The following PSG6 variants were observed in gnomAD, a reference collection of about 807,000 sequenced individuals.
PSG6 encodes the protein pregnancy specific beta-1-glycoprotein 6.
Under a neutral mutation model 43.3 loss-of-function variants are expected in PSG6, and 51 were observed. The ratio of observed to expected loss-of-function variants is 1.18; its 90% CI spans 0.94 to 1.49. The LOEUF (loss-of-function observed/expected upper bound fraction) is 1.49, where lower values mean the gene tolerates loss of function less well. Among genes scored for constraint, PSG6 ranks in the 40% most tolerant of loss-of-function variants. PSG6 has a pLI of 0.00. For synonymous variants in PSG6, 292 were observed against 197.6 expected (o/e 1.48, Z -4.01); for missense variants, 770 against 522.2 (o/e 1.47, Z -4.62).
chr19:42,906,480 CA>C (rs1251815302), intron 5 of PSG6, among the ~76,000 whole-genome samples: 1 of 151,464 alleles, frequency 6.6e-6, no homozygotes, highest in Non-Finnish European at 1.5e-5. Context: ...CTCCCTCACC[CA>C]AAGGGCTTCC....
chr19:42,906,617 A>C, intron 5 of PSG6: 2 of 1,365,018 alleles, frequency 1.5e-6, no homozygotes, highest in Non-Finnish European at 1.9e-6. Context: ...GCGAGAAGCA[A>C]CTTGATCTTG....
At chr19:42,911,745 GT>G (rs1972230834) in intron 2 of PSG6, among the ~76,000 whole-genome samples, 1 of 151,748 alleles carries the variant, frequency 6.6e-6, no homozygotes, top group South Asian at 2.1e-4. Flanking sequence ...TATGTGTTTG[GT>G]GGATATTAGA....
At chr19:42,903,770 G>T in intron 5 of PSG6, 4 of 1,497,360 alleles carry the variant, frequency 2.7e-6, no homozygotes, top group Non-Finnish European at 3.6e-6. Context: ...ACATGCACCT[G>T]TAGTCCTAGC....
intron 2 of PSG6, chr19:42,915,379 G>T (rs578227223): frequency 6.6e-6 from 1 of 151,966 alleles, no homozygotes; most frequent in Non-Finnish European, 1.5e-5. Flanking sequence ...GCACCTTTGC[G>T]TCAGATCCCT....
chr19:42,912,953 A>T (rs7259540), intron 2 of PSG6, among the ~76,000 whole-genome samples: 20,449 of 151,628 alleles, frequency 0.13, 1,816 homozygotes, highest in Admixed American at 0.18. Context: ...TTGTCCCACA[A>T]CTACAAAATT....
chr19:42,916,788 C>T (rs1428537263), intron 1 of PSG6, among the ~76,000 whole-genome samples: 1 of 151,320 alleles, frequency 6.6e-6, no homozygotes, highest in Non-Finnish European at 1.5e-5. Flanking sequence ...TCCACACTGC[C>T]CTCAGGTCCT....
intron 5 of PSG6, among the ~76,000 whole-genome samples, chr19:42,906,128 A>G (rs1972107516): frequency 6.6e-6 from 1 of 151,574 alleles, no homozygotes; most frequent in Non-Finnish European, 1.5e-5. Context: ...CCTGCCATGC[A>G]GAGCCCCAGG....
chr19:42,912,377 T>G lies in PSG6; in HGVS notation c.428-1519A>C, dbSNP rs534861440. The stretch of plus-strand genomic sequence containing the variant: ...TTACTGATGGTCCAAACATCTAAGA[T>G]CAATTGCTGGTAGTCATATTTCTCT... On this transcript the variant is annotated intron_variant, in intron 2 of 5. Transcript: ENST00000187910. Among the ~76,000 whole-genome samples, 21 of 151,706 alleles carry G rather than the reference T, an allele frequency of 1.4e-4. 1 individual carries two copies. Among genetic ancestry groups the G allele is most frequent in the Non-Finnish European group, 2.5e-4 (17 of 67,906 alleles).
intron 3 of PSG6, 63 bp from the exon 4 acceptor site, chr19:42,907,917 T>A (rs763618249): frequency 1.4e-5 from 22 of 1,585,980 alleles, no homozygotes; most frequent in East Asian, 6.7e-5. Context: ...GCATCCTTCA[T>A]TCAGAGTTGG....
In PSG6 at chr19:42,917,415, G is replaced by A. The variant is rs371755485; in HGVS notation, c.64+314C>T. 5.6e-5 allele frequency among the ~76,000 whole-genome samples: 8 copies of A among 144,072 alleles called. 1 individual carries two copies. Among genetic ancestry groups the A allele is most frequent in the African/African-American group, 7.8e-5 (3 of 38,368 alleles). 94.5% of individuals were successfully genotyped at this position (144,072 alleles called of 152,430 possible). A position where few individuals can be genotyped will look rare whatever the true frequency, so the allele number is the denominator to read the frequency against. ...GTCTCGTACTGTCACCCAGGCTGGC[G>A]TGCAGTGGTGCTGTCTCGGCTAGCT... On this transcript the variant is annotated intron_variant, in intron 1 of 5. Coordinates refer to ENST00000187910, the MANE Select transcript of PSG6 (RefSeq NM_001031850.4).
intron 2 of PSG6, among the ~76,000 whole-genome samples, chr19:42,913,560 T>G (rs1439521384): frequency 6.6e-6 from 1 of 151,640 alleles, no homozygotes; most frequent in Non-Finnish European, 1.5e-5. Flanking sequence ...AAGCCAGAAG[T>G]CTCTAGAAAG....
intron 4 of PSG6, 95 bp from the exon 5 acceptor site, chr19:42,907,271 A>G (rs773605003): frequency 1.3e-6 from 2 of 1,528,566 alleles, no homozygotes; most frequent in Admixed American, 2.0e-5. Context: ...CTGAACCAAG[A>G]CACAACCTCA....
rs558899002 is a variant in PSG6, at chr19:42,907,709, C to T, written c.852G>A (p.Arg284=). The change falls in exon 4 of 6, where the codon AGG becomes AGA. Residue 284 remains arginine, a synonymous_variant. Transcript: ENST00000187910. ...LNGQSLPVSP[R]VKRPIENRIL... The stretch of plus-strand genomic sequence containing the variant: ...TCCTGTTTTCAATGGGTCGCTTTAC[C>T]CTCGGACTGACCGGGAGGCTCTGAC... 3 of 1,610,848 alleles carry T rather than the reference C, an allele frequency of 1.9e-6. No homozygotes were observed. Among genetic ancestry groups the T allele is most frequent in the Non-Finnish European group, 1.7e-6 (2 of 1,179,104 alleles).
In PSG6 at chr19:42,902,199, A is replaced by G. The variant is rs1972045327; in HGVS notation, c.*213T>C. 1.7e-6 allele frequency: 1 copy of G among 604,822 alleles called. No individual in the cohort carries two copies. The allele number at this position is 604,822 out of a possible 1,614,324, so 37.5% of individuals were successfully genotyped here. ...AGCAAATGTTTCAATTTTTGTTTAC[A>G]AAAGTATACTTTACCAATTGCTGAA... On this transcript the variant is annotated 3_prime_UTR_variant, in exon 6 of 6. Coordinates refer to ENST00000187910, the MANE Select transcript of PSG6 (RefSeq NM_001031850.4).
chr19:42,902,440 C>A lies in PSG6; in HGVS notation c.1247G>T (p.Cys416Phe). The A allele has an allele frequency of 4.3e-6, 7 of 1,611,146 alleles. No homozygotes were observed. The highest frequency in any genetic ancestry group is 5.9e-6 in the Non-Finnish European group (7 of 1,178,366). ...ATGAGACTCTGTCTGGTTTCCATGG[C>A]AGGGACCTGATTGACAGAAGGCCCA... ...KSMIVKVSGP[C>F]HGNQTESH is the part of the protein sequence containing the mutation. The change falls in exon 6 of 6, where the codon TGC (cysteine) becomes TTC (phenylalanine). Residue 416 changes from cysteine to phenylalanine, a missense_variant. Cys to Phe is a radical substitution (Grantham distance 205). Transcript: ENST00000187910.
In PSG6 at chr19:42,903,588, C is replaced by G. The variant is rs368523876; in HGVS notation, c.1241-1142G>C. ...AAAAAAGAGAAAAGATAAAATTACT[C>G]AAATCATAAATGAAAATGGACTCTG... On this transcript the variant is annotated intron_variant, in intron 5 of 5. Transcript: ENST00000187910. The G allele has an allele frequency of 5.7e-5, 80 of 1,396,708 alleles. 4 individuals are homozygous for G. In the East Asian group the frequency reaches 1.0e-3, roughly 18 times the overall value. The allele number at this position is 1,396,708 out of a possible 1,614,324, so 86.5% of individuals were successfully genotyped here.
Position 42,917,868 on chromosome 19 carries a change from G to A in PSG6, c.-76C>T. 6.6e-7 allele frequency: 1 copy of A among 1,516,710 alleles called. No individual in the cohort carries two copies. Among genetic ancestry groups the A allele is most frequent in the South Asian group, 1.2e-5 (1 of 81,714 alleles). 94.0% of individuals were successfully genotyped at this position (1,516,710 alleles called of 1,614,324 possible). ...GAGACTTCCTGAGCAGGGCTGTCAG[G>A]TGTGCTGTCCTTCCTCCTTCTGTGC... On this transcript the variant is annotated 5_prime_UTR_variant, in exon 1 of 6. Transcript: ENST00000187910.
At chr19:42,915,805 T>C in intron 2 of PSG6, 1 of 498,968 alleles carries the variant, frequency 2.0e-6, no homozygotes, top group African/African-American at 1.9e-5. Context: ...CCCTACTCAG[T>C]TTTCCAGGGT....
rs759877953 is a variant in PSG6, at chr19:42,902,405, G to A, written c.*7C>T. On this transcript the variant is annotated 3_prime_UTR_variant, in exon 6 of 6. Transcript: ENST00000187910. ...TCTTTTTCTCAGTGTCTCTATTGTG[G>A]CAGCCATTAATGAGACTCTGTCTGG... 6 of 1,610,344 alleles carry A rather than the reference G, an allele frequency of 3.7e-6. No homozygotes were observed. The highest frequency in any genetic ancestry group is 5.1e-6 in the Non-Finnish European group (6 of 1,177,994).
Sources: gnomAD v4.1 joint callset for allele counts (sites outside exome capture counted in the v4.1 genomes callset) on GRCh38, gnomAD v4.1.1 for gene constraint, MANE v1.5 for transcripts, NCBI Gene and HGNC (gene_info 2026-07-23, HGNC 2026-07-21) for gene names.